Variants in SECISBP2 observed in about 807,000 individuals in gnomAD.
SECISBP2 encodes the protein SECIS binding protein 2.
A neutral mutation model predicts 98.2 loss-of-function variants in SECISBP2; 96 were observed. That is an observed-to-expected ratio of 0.98 (90% CI 0.83 to 1.16). The LOEUF (loss-of-function observed/expected upper bound fraction) is 1.16. Among genes scored for constraint, SECISBP2 ranks in the 50% most tolerant of loss-of-function variants. The pLI, the probability that SECISBP2 is intolerant of heterozygous loss-of-function variation, is 0.00. For synonymous variants in SECISBP2, 407 were observed against 370.2 expected, an observed-to-expected ratio of 1.10 and a Z score of -1.14; for missense variants, 1,046 against 1,022.9, an observed-to-expected ratio of 1.02 and a Z score of -0.31.
At position 89,334,739 on chromosome 9, in the gene SECISBP2, C is replaced by T; in HGVS notation, c.1089+9C>T. The T allele has an allele frequency of 1.2e-6, 2 of 1,602,242 alleles. No homozygotes were observed. The highest frequency in any genetic ancestry group is 1.7e-6 in the Non-Finnish European group (2 of 1,171,564). On this transcript the variant is annotated intron_variant, in intron 7 of 16. Coordinates refer to ENST00000375807, the MANE Select transcript of SECISBP2 (RefSeq NM_024077.5). ...TTCATCCTACCCAAAAGGTACGTGTCACTAGAGACAGAAAGTAGGATGGTG... is the reference window on the plus strand; with the variant it reads ...TTCATCCTACCCAAAAGGTACGTGTTACTAGAGACAGAAAGTAGGATGGTG...
chr9:89,332,914 A>G lies in SECISBP2; in HGVS notation c.808A>G (p.Ile270Val). The G allele has an allele frequency of 6.2e-7, 1 of 1,613,482 alleles. No individual in the cohort carries two copies. Among genetic ancestry groups the G allele is most frequent in the Non-Finnish European group, 8.5e-7 (1 of 1,179,552 alleles). Residue 270 changes from isoleucine (I) to valine (V), a missense_variant, in exon 6 of 17, where the codon ATA becomes GTA. Ile to Val is a conservative substitution (Grantham distance 29). Transcript: ENST00000375807. ...TAATGTGTTTGCTTTTTAGGGTGAA[A>G]TAGTGGTGAAAAATAACCCAAATGA... ...KPAAVLSKGE[I>V]VVKNNPNESV...
intron 4 of SECISBP2, among the ~76,000 whole-genome samples, chr9:89,328,411 T>TAA (rs1564340164): frequency 6.6e-6 from 1 of 152,248 alleles, no homozygotes; most frequent in African/African-American, 2.4e-5. Context: ...TGACTATACA[T>TAA]ACTCCTAAAT....
chr9:89,334,545 T>G lies in SECISBP2; in HGVS notation c.904T>G (p.Tyr302Asp). The part of the protein sequence containing the change: ...TRELSWTPMG[Y>D]VVRQTLSTEL... ...AGAGTTATCTTGGACACCAATGGGT[T>G]ATGTTGTTCGACAGACATTATCTAC... is the stretch of plus-strand genomic sequence containing the variant. Residue 302 changes from tyrosine (Y) to aspartate (D), a missense_variant, in exon 7 of 17, where the codon TAT (tyrosine) becomes GAT (aspartate). Tyr to Asp is a radical substitution (Grantham distance 160). Transcript: ENST00000375807. The G allele has an allele frequency of 6.2e-7, 1 of 1,614,196 alleles. No homozygotes were observed. Among genetic ancestry groups the G allele is most frequent in the Non-Finnish European group, 8.5e-7 (1 of 1,180,030 alleles).
At chr9:89,336,097 T>TTTTTTTC (rs1828646317) in intron 7 of SECISBP2, among the ~76,000 whole-genome samples, 3 of 140,748 alleles carry the variant, frequency 2.1e-5, no homozygotes, top group Non-Finnish European at 4.6e-5. Context: ...TTTTTTTTTT[T>TTTTTTTC]TTTTTTTTTT....
chr9:89,334,815 T>C (rs1828359557), intron 7 of SECISBP2, 85 bp downstream of exon 7: 3 of 1,023,822 alleles, frequency 2.9e-6, no homozygotes, highest in East Asian at 2.4e-5. Flanking sequence ...TATTAATGGG[T>C]AGAGAGTTTC....
intron 10 of SECISBP2, among the ~76,000 whole-genome samples, chr9:89,345,965 C>T (rs1394412967): frequency 1.3e-5 from 2 of 152,174 alleles, no homozygotes; most frequent in South Asian, 2.1e-4. Context: ...TTACGTTCTG[C>T]GTTGAAGCAG....
chr9:89,345,256 G>A (rs1402857835), intron 10 of SECISBP2, among the ~76,000 whole-genome samples: 1 of 152,198 alleles, frequency 6.6e-6, no homozygotes, highest in Non-Finnish European at 1.5e-5. Flanking sequence ...TGGCCATGCT[G>A]CCATGCCTTC....
chr9:89,334,782 A>G (rs1828350969), intron 7 of SECISBP2, 52 bp downstream of exon 7: 24 of 1,338,900 alleles, frequency 1.8e-5, no homozygotes, highest in Non-Finnish European at 2.6e-5. Context: ...GGGGCTCAGT[A>G]GAGTGGGGAA....
At chr9:89,341,542 T>TA (rs1216512734) in intron 10 of SECISBP2, 63 bp downstream of exon 10, 2 of 1,588,556 alleles carry the variant, frequency 1.3e-6, no homozygotes, top group African/African-American at 2.7e-5. Context: ...ATTATTATGT[T>TA]ACCATTTTCT....
Position 89,344,135 on chromosome 9 carries a change from C to G in SECISBP2, c.1435+2656C>G, listed in dbSNP as rs182854932. Among the ~76,000 whole-genome samples the G allele has an allele frequency of 2.2e-4, 33 of 152,272 alleles. No homozygotes were observed. In the East Asian group the frequency reaches 5.6e-3, roughly 26 times the overall value. On this transcript the variant is annotated intron_variant, in intron 10 of 16. Transcript: ENST00000375807. ...GTATGTCTCTTGAAAAGTGTCTGTT[C>G]ATGTCCTTTGCCCACTTTTTAATGG...
downstream of SECISBP2, chr9:89,362,374 G>T (rs753389132): frequency 3.7e-6 from 6 of 1,613,980 alleles, no homozygotes; most frequent in East Asian, 1.3e-4. Context: ...TGGGGTTGAG[G>T]TCGGTGTCAG....
intron 10 of SECISBP2, among the ~76,000 whole-genome samples, chr9:89,344,165 T>C (rs1219840260): frequency 6.6e-6 from 1 of 152,214 alleles, no homozygotes; most frequent in Admixed American, 6.5e-5. Context: ...TAATGGGGTT[T>C]TTTTTCTTGC....
intron 8 of SECISBP2, among the ~76,000 whole-genome samples, chr9:89,338,884 C>CTT (rs1396968641): frequency 6.9e-6 from 1 of 145,256 alleles, no homozygotes. Context: ...TCTTCTTTAC[C>CTT]TGTTTTTTTT....
rs753127826 is a variant in SECISBP2 at position 89,328,672 on chromosome 9, A to C, written c.587A>C (p.Lys196Thr). The change falls in exon 5 of 17, where the codon AAG becomes ACG. Residue 196 changes from lysine to threonine, a missense_variant. By Grantham distance (78) the Lys-to-Thr change is moderately conservative (BLOSUM62 -1). Coordinates refer to ENST00000375807, the MANE Select transcript of SECISBP2 (RefSeq NM_024077.5). ...TTTGTAATTACAGATGGTTACCATAAGCGAACAGACAGGAAATCCAGAATC... is the reference window on the plus strand; with the variant it reads ...TTTGTAATTACAGATGGTTACCATACGCGAACAGACAGGAAATCCAGAATC... ...ENSLKSDGYHKRTDRKSRIIA... is the reference protein window; with the variant it reads ...ENSLKSDGYHTRTDRKSRIIA... The C allele has an allele frequency of 6.2e-7, 1 of 1,613,978 alleles. No individual in the cohort carries two copies. Among genetic ancestry groups the C allele is most frequent in the South Asian group, 1.1e-5 (1 of 91,084 alleles).
rs939814664 is a variant in SECISBP2, at chr9:89,359,271, T to G, written c.*447T>G. Reference sequence around the variant, plus strand: ...ACAGCACCGTCCTGCAGGGAGCCACTTGGCAGAAGGGTGCAGGGCTGCTGG... The same window carrying G: ...ACAGCACCGTCCTGCAGGGAGCCACGTGGCAGAAGGGTGCAGGGCTGCTGG... On this transcript the variant is annotated 3_prime_UTR_variant, in exon 17 of 17. Transcript: ENST00000375807. The G allele has an allele frequency of 3.9e-5, 10 of 256,718 alleles. No individual in the cohort carries two copies. The Admixed American group carries it at 5.1e-4, about 13-fold the overall frequency. 15.9% of individuals were successfully genotyped at this position (256,718 alleles called of 1,614,324 possible).
At chr9:89,321,303 G>A (rs1825765830) in intron 2 of SECISBP2, among the ~76,000 whole-genome samples, 1 of 152,242 alleles carries the variant, frequency 6.6e-6, no homozygotes, top group South Asian at 2.1e-4. Context: ...CATGGCTAAA[G>A]GAACATTTTG....
At chr9:89,341,168 C>T (rs1168525647) in intron 9 of SECISBP2, among the ~76,000 whole-genome samples, 179 bp from the exon 10 acceptor site, 1 of 152,182 alleles carries the variant, frequency 6.6e-6, no homozygotes, top group Non-Finnish European at 1.5e-5. Context: ...CATAAACAAC[C>T]ATGGTAATAC....
At chr9:89,364,051 C>T (rs1731108811), downstream of SECISBP2, 2 of 1,603,230 alleles carry the variant, frequency 1.2e-6, no homozygotes, top group African/African-American at 2.7e-5. Flanking sequence ...CCCAGTTGGA[C>T]CTGAAGTGAC....
Position 89,332,946 on chromosome 9 carries a change from A to C in SECISBP2, c.840A>C (p.Val280=). The C allele has an allele frequency of 6.2e-7, 1 of 1,613,992 alleles. No individual in the cohort carries two copies. Among genetic ancestry groups the C allele is most frequent in the African/African-American group, 1.3e-5 (1 of 75,028 alleles). Residue 280 remains valine (V), a synonymous_variant, in exon 6 of 17, where the codon GTA becomes GTC. Transcript: ENST00000375807. Reference sequence around the variant, plus strand: ...TGAAAAATAACCCAAATGAATCTGTAACTGCTAATGCCGCTACCAATTCTC... The same window carrying C: ...TGAAAAATAACCCAAATGAATCTGTCACTGCTAATGCCGCTACCAATTCTC... ...IVVKNNPNES[V]TANAATNSPS...
Sources: allele counts gnomAD v4.1 joint callset (sites outside exome capture counted in the v4.1 genomes callset), GRCh38; gene constraint gnomAD v4.1.1; transcripts MANE v1.5; gene names NCBI Gene and HGNC (gene_info 2026-07-23, HGNC 2026-07-21).